FSD1L: variants seen among roughly 807,000 people sequenced by gnomAD.
FSD1L encodes the protein FSD1-like protein.
A neutral mutation model predicts 71.6 loss-of-function variants in FSD1L; 45 were observed. The ratio of observed to expected loss-of-function variants is 0.63; its 90% CI spans 0.49 to 0.81. FSD1L has a LOEUF of 0.81. FSD1L is among the 30% of genes least tolerant of loss of function. The pLI is 0.00. For missense variants in FSD1L, 561 were observed against 618.1 expected, an observed-to-expected ratio of 0.91 and a Z score of 0.98; for synonymous variants, 197 against 207.2, an observed-to-expected ratio of 0.95 and a Z score of 0.42.
At chr9:105,506,795 A>C (rs1340356211) in intron 8 of FSD1L, among the ~76,000 whole-genome samples, 187 bp downstream of exon 8, 1 of 147,222 alleles carries the variant, frequency 6.8e-6, no homozygotes, top group Non-Finnish European at 1.5e-5. Context: ...TTAAGACAGG[A>C]TCTTGTTCTA....
upstream of FSD1L, among the ~76,000 whole-genome samples, chr9:105,443,989 T>C (rs924266512): frequency 2.6e-5 from 4 of 152,136 alleles, no homozygotes; most frequent in Non-Finnish European, 5.9e-5. Context: ...TGGCAAATGC[T>C]AAGACTCAGG....
intron 7 of FSD1L, among the ~76,000 whole-genome samples, chr9:105,490,990 C>G (rs1161570050): frequency 1.4e-4 from 21 of 150,952 alleles, no homozygotes; most frequent in Admixed American, 1.3e-4. Context: ...GCGATGTGGG[C>G]TCTTTTTTGG....
intron 7 of FSD1L, among the ~76,000 whole-genome samples, chr9:105,492,403 G>A (rs1461094107): frequency 6.6e-6 from 1 of 151,842 alleles, no homozygotes; most frequent in East Asian, 1.9e-4. Context: ...TTCTTTATTA[G>A]TCTTGCTAGG....
upstream of FSD1L, among the ~76,000 whole-genome samples, chr9:105,445,688 G>A (rs1054917629): frequency 2.0e-5 from 3 of 152,286 alleles, no homozygotes; most frequent in East Asian, 1.9e-4. Context: ...TTCTCCAATC[G>A]CCAGGCTATT....
At chr9:105,519,965 G>GGCCC (rs1187345776) in intron 10 of FSD1L, among the ~76,000 whole-genome samples, 1 of 152,230 alleles carries the variant, frequency 6.6e-6, no homozygotes, top group Non-Finnish European at 1.5e-5. Flanking sequence ...TGGAGGTGGC[G>GGCCC]GCCCTGGCCT....
upstream of FSD1L, among the ~76,000 whole-genome samples, chr9:105,445,912 A>G (rs752505482): frequency 7.9e-5 from 12 of 152,176 alleles, no homozygotes; most frequent in Non-Finnish European, 1.6e-4. Flanking sequence ...GCTGGCACAC[A>G]TAGGCCCACC....
At chr9:105,521,236 A>T in intron 10 of FSD1L, 1 of 1,614,216 alleles carries the variant, frequency 6.2e-7, no homozygotes, top group Non-Finnish European at 8.5e-7. Flanking sequence ...CCTGGGATGG[A>T]AGGTGAAGTC....
rs1835102441 is a variant in FSD1L at position 105,520,848 on chromosome 9, G to A, written c.1025+7912G>A. 5.6e-6 allele frequency: 9 copies of A among 1,612,020 alleles called. No individual in the cohort carries two copies. The African/African-American group carries it at 1.1e-4, about 19-fold the overall frequency. On this transcript the variant is annotated intron_variant, in intron 10 of 13. Coordinates refer to ENST00000481272, the MANE Select transcript of FSD1L (RefSeq NM_001145313.3). ...CACTCCTCTTGTCCCCCCACAATCA[G>A]GAGATAAAGGGCAAGAAGATCTCAC...
At position 105,524,173 on chromosome 9, in the gene FSD1L, A is replaced by G. The variant is rs1028938970; in HGVS notation, c.1026-10320A>G. ...ATTTGGATTTGTGAAGAACTAGTCC[A>G]TGAGTCTCATCATCCTCAAATTAAG... On this transcript the variant is annotated intron_variant, in intron 10 of 13. Coordinates refer to ENST00000481272, the MANE Select transcript of FSD1L (RefSeq NM_001145313.3). The G allele has an allele frequency of 7.4e-5, 120 of 1,612,144 alleles. 1 individual carries two copies. In the South Asian group the frequency reaches 9.5e-4, roughly 13 times the overall value.
At chr9:105,497,319 A>G (rs1007481971) in intron 7 of FSD1L, among the ~76,000 whole-genome samples, 2 of 152,110 alleles carry the variant, frequency 1.3e-5, no homozygotes, top group South Asian at 2.1e-4. Flanking sequence ...ACTGGTTTGT[A>G]GTTTTCTTTT....
At chr9:105,525,561 A>G in intron 10 of FSD1L, 1 of 1,612,792 alleles carries the variant, frequency 6.2e-7, no homozygotes, top group East Asian at 2.2e-5. Context: ...TTCTTAGTAT[A>G]TTGGGAATGA....
At chr9:105,512,622 G>C (rs999649284) in intron 9 of FSD1L, among the ~76,000 whole-genome samples, 185 bp from the exon 10 acceptor site, 1 of 152,058 alleles carries the variant, frequency 6.6e-6, no homozygotes, top group East Asian at 1.9e-4. Flanking sequence ...TGGGAAATCA[G>C]ATAAGAATTA....
At chr9:105,517,085 G>C (rs1834773893) in intron 10 of FSD1L, among the ~76,000 whole-genome samples, 1 of 152,116 alleles carries the variant, frequency 6.6e-6, no homozygotes, top group African/African-American at 2.4e-5. Context: ...AGACATTGAA[G>C]ATCAACTTAA....
At chr9:105,491,547 T>C (rs112658236) in intron 7 of FSD1L, among the ~76,000 whole-genome samples, 1 of 151,924 alleles carries the variant, frequency 6.6e-6, no homozygotes, top group Non-Finnish European at 1.5e-5. Context: ...TGAATAGGAG[T>C]GGTGAGAGAG....
chr9:105,491,524 TC>T (rs1297418890), intron 7 of FSD1L, among the ~76,000 whole-genome samples: 2 of 152,166 alleles, frequency 1.3e-5, no homozygotes, highest in Non-Finnish European at 2.9e-5. Flanking sequence ...GATCAGAACT[TC>T]CAACACTATG....
At chr9:105,478,086 T>TA (rs1323997674) in intron 5 of FSD1L, among the ~76,000 whole-genome samples, 1 of 151,994 alleles carries the variant, frequency 6.6e-6, no homozygotes, top group African/African-American at 2.4e-5. Context: ...CTAATAAAAA[T>TA]ACAAAAAAAT....
chr9:105,452,238 A>G (rs1830052243), intron 1 of FSD1L, among the ~76,000 whole-genome samples: 1 of 152,220 alleles, frequency 6.6e-6, no homozygotes, highest in Non-Finnish European at 1.5e-5. Context: ...CACCACATCC[A>G]TAACCAACCA....
In FSD1L at chr9:105,518,891, TC is replaced by T. The variant is rs1463356113; in HGVS notation, c.1025+5956del. 7.2e-5 allele frequency among the ~76,000 whole-genome samples: 11 copies of T among 151,896 alleles called. No individual in the cohort carries two copies. The East Asian group carries it at 2.1e-3, about 29-fold the overall frequency. On this transcript the variant is annotated intron_variant, in intron 10 of 13. Coordinates refer to ENST00000481272, the MANE Select transcript of FSD1L (RefSeq NM_001145313.3). Reference sequence around the variant, plus strand: ...TCCAGGAGCTGGTTTTTTGAAAAGATCAACAAAATAGACCACTAGCCCGACT... The same window carrying T: ...TCCAGGAGCTGGTTTTTTGAAAAGATAACAAAATAGACCACTAGCCCGACT...
intron 10 of FSD1L, among the ~76,000 whole-genome samples, chr9:105,532,154 A>G (rs755452276): frequency 2.6e-5 from 4 of 152,214 alleles, no homozygotes; most frequent in Non-Finnish European, 5.9e-5. Flanking sequence ...GCCCCTCACA[A>G]GATCAGGAAA....
Sources: gnomAD v4.1 joint callset for allele counts (sites outside exome capture counted in the v4.1 genomes callset) on GRCh38, gnomAD v4.1.1 for gene constraint, MANE v1.5 for transcripts, NCBI Gene and HGNC (gene_info 2026-07-23, HGNC 2026-07-21) for gene names.